Variants in NAV3 observed in about 807,000 individuals in gnomAD.
NAV3 encodes neuron navigator 3, also known as pore membrane and/or filament interacting like protein 1.
A neutral mutation model predicts 244.7 loss-of-function variants in NAV3; 87 were observed. That is an observed-to-expected ratio of 0.36 (90% CI 0.30 to 0.42). NAV3 has a LOEUF of 0.42. Among genes scored for constraint, NAV3 ranks in the 20% least tolerant of loss-of-function variants. The pLI is 1.00. For missense variants in NAV3, 2,663 were observed against 2,893.3 expected (o/e 0.92, Z 1.83); for synonymous variants, 1,126 against 1,042.2 (o/e 1.08, Z -1.55).
At chr12:77,860,390 G>A (rs1008022059) in intron 1 of NAV3, among the ~76,000 whole-genome samples, 1 of 150,524 alleles carries the variant, frequency 6.6e-6, no homozygotes, top group Non-Finnish European at 1.5e-5. Context: ...CAAAAGTGAA[G>A]TATATATATA....
At chr12:77,657,593 C>T (rs1052927048) in intron 2 of NAV3, among the ~76,000 whole-genome samples, 1 of 152,280 alleles carries the variant, frequency 6.6e-6, no homozygotes, top group East Asian at 1.9e-4. Context: ...GGGAATCCTC[C>T]CTAACTCATT....
chr12:78,165,785 C>A (rs1161266166), intron 23 of NAV3, among the ~76,000 whole-genome samples: 2 of 151,624 alleles, frequency 1.3e-5, no homozygotes, highest in South Asian at 4.2e-4. Flanking sequence ...TTTTAAAATT[C>A]TTTATGTTTA....
intron 2 of NAV3, among the ~76,000 whole-genome samples, chr12:77,790,425 G>T (rs558503891): frequency 1.3e-5 from 2 of 152,124 alleles, no homozygotes; most frequent in Admixed American, 6.6e-5. Flanking sequence ...TGGGTATAAG[G>T]TATCATGGAG....
In NAV3 at chr12:78,116,796, C is replaced by T. The variant is rs2138515642; in HGVS notation, c.2661C>T (p.Ser887=). The T allele has an allele frequency of 6.2e-7, 1 of 1,604,442 alleles. No individual in the cohort carries two copies. Reference sequence around the variant, plus strand: ...GCTGGGATGACAGCAGTTCAGTGAGCAGTGGTCTCAGTGACACCCTTGATA... The same window carrying T: ...GCTGGGATGACAGCAGTTCAGTGAGTAGTGGTCTCAGTGACACCCTTGATA... ...ADSWDDSSSV[S]SGLSDTLDNI... Residue 887 remains serine (S), a synonymous_variant, in exon 13 of 40, where the codon AGC becomes AGT. Transcript: ENST00000397909.
intron 2 of NAV3, among the ~76,000 whole-genome samples, chr12:77,634,833 C>CT (rs1452665935): frequency 1.3e-5 from 2 of 151,888 alleles, no homozygotes; most frequent in Non-Finnish European, 2.9e-5. Flanking sequence ...AAAAGGAAAA[C>CT]AATGAGAAAA....
intron 2 of NAV3, among the ~76,000 whole-genome samples, chr12:77,709,067 G>A (rs772520016): frequency 2.0e-5 from 3 of 152,074 alleles, no homozygotes; most frequent in African/African-American, 7.2e-5. Flanking sequence ...TCTCCTGCCT[G>A]ATTGCCCTGG....
intron 12 of NAV3, among the ~76,000 whole-genome samples, chr12:78,063,682 G>T (rs567328908): frequency 5.3e-5 from 8 of 152,176 alleles, no homozygotes; most frequent in African/African-American, 1.9e-4. Context: ...CTCCTACCTG[G>T]GAGTATAAAG....
intron 2 of NAV3, among the ~76,000 whole-genome samples, chr12:77,790,051 G>A (rs1461461095): frequency 2.0e-5 from 3 of 152,052 alleles, no homozygotes; most frequent in South Asian, 2.1e-4. Context: ...AGTCTGTTTG[G>A]CAGATTCCAC....
rs1467643354 is a variant in NAV3, at chr12:78,077,045, C to T, written c.2636+17930C>T. ...ATGTGTTGAGTGAAATGATAGACTTCTAATATTTGTTGTATATGTAATTTA... is the reference window on the plus strand; with the variant it reads ...ATGTGTTGAGTGAAATGATAGACTTTTAATATTTGTTGTATATGTAATTTA... On this transcript the variant is annotated intron_variant, in intron 12 of 39. Coordinates refer to ENST00000397909, the MANE Select transcript of NAV3 (RefSeq NM_001024383.2). Among the ~76,000 whole-genome samples, 36 of 151,934 alleles carry T rather than the reference C, an allele frequency of 2.4e-4. 1 individual carries two copies. The highest frequency in any genetic ancestry group is 2.9e-5 in the Non-Finnish European group (2 of 68,000).
At chr12:77,801,638 C>T (rs891159590) in intron 2 of NAV3, among the ~76,000 whole-genome samples, 5 of 152,042 alleles carry the variant, frequency 3.3e-5, no homozygotes, top group Non-Finnish European at 7.4e-5. Context: ...AGTAGTATGT[C>T]CCATCCAAAT....
Position 78,210,608 on chromosome 12 carries a change from C to A in NAV3, c.*91C>A. 5 of 1,473,946 alleles carry A rather than the reference C, an allele frequency of 3.4e-6. No individual in the cohort carries two copies. Among genetic ancestry groups the A allele is most frequent in the African/African-American group, 1.4e-5 (1 of 70,528 alleles). The allele number at this position is 1,473,946 out of a possible 1,614,324, so 91.3% of individuals were successfully genotyped here. On this transcript the variant is annotated 3_prime_UTR_variant, in exon 40 of 40. Coordinates refer to ENST00000397909, the MANE Select transcript of NAV3 (RefSeq NM_001024383.2). The stretch of plus-strand genomic sequence containing the variant: ...CACTAAACCACTGCCAGTATAAAAG[C>A]ACCCTGTCAAGGGCCCTGACCCAGA...
intron 1 of NAV3, among the ~76,000 whole-genome samples, chr12:77,856,719 A>G (rs1878447334): frequency 6.6e-6 from 1 of 152,150 alleles, no homozygotes; most frequent in Non-Finnish European, 1.5e-5. Context: ...AGGAGGAATA[A>G]TACAGTTAAT....
intron 2 of NAV3, among the ~76,000 whole-genome samples, chr12:77,743,111 C>T (rs1001017984): frequency 6.6e-6 from 1 of 151,934 alleles, no homozygotes; most frequent in Non-Finnish European, 1.5e-5. Flanking sequence ...ATCTTGTAAA[C>T]AGACAATATA....
intron 2 of NAV3, among the ~76,000 whole-genome samples, chr12:77,770,484 T>C (rs1395195619): frequency 6.6e-6 from 1 of 152,180 alleles, no homozygotes; most frequent in Non-Finnish European, 1.5e-5. Flanking sequence ...GTAGGGATTT[T>C]TGCCTAAACT....
At chr12:77,975,776 T>C (rs73346621) in intron 5 of NAV3, among the ~76,000 whole-genome samples, 6,333 of 151,348 alleles carry the variant, frequency 0.042, 281 homozygotes, top group African/African-American at 0.11. Context: ...TGTAAAGACT[T>C]TGACTTTTAT....
At chr12:77,929,558 C>G (rs921377454) in intron 1 of NAV3, among the ~76,000 whole-genome samples, 5 of 152,144 alleles carry the variant, frequency 3.3e-5, no homozygotes, top group Admixed American at 1.3e-4. Flanking sequence ...TCTATATCCC[C>G]ACACCTTTGG....
intron 2 of NAV3, among the ~76,000 whole-genome samples, chr12:77,724,836 CT>C (rs1876804173): frequency 1.3e-5 from 2 of 151,912 alleles, no homozygotes; most frequent in Admixed American, 6.6e-5. Context: ...TTTGCAATTT[CT>C]GTTAAAGTCA....
chr12:77,946,256 T>C (rs1271866675), intron 3 of NAV3, among the ~76,000 whole-genome samples: 1 of 115,614 alleles, frequency 8.6e-6, no homozygotes, highest in African/African-American at 2.8e-5. Flanking sequence ...TGTGTGTGTG[T>C]GTGCGCGTGC....
At chr12:77,750,259 A>G (rs549935680) in intron 2 of NAV3, among the ~76,000 whole-genome samples, 9 of 152,310 alleles carry the variant, frequency 5.9e-5, no homozygotes, top group Admixed American at 1.3e-4. Context: ...AGGCTGATGC[A>G]GGAGAATCTT....
Sources: gnomAD v4.1 joint callset for allele counts (sites outside exome capture counted in the v4.1 genomes callset) on GRCh38, gnomAD v4.1.1 for gene constraint, MANE v1.5 for transcripts, NCBI Gene and HGNC (gene_info 2026-07-23, HGNC 2026-07-21) for gene names.